MIS18A: variants seen among roughly 807,000 people sequenced by gnomAD.
MIS18A encodes MIS18 kinetochore protein A, also known as protein Mis18-alpha.
MIS18A carries 14 observed loss-of-function variants against 25.0 expected under a neutral mutation model. The ratio of observed to expected loss-of-function variants is 0.56; its 90% CI spans 0.37 to 0.88. MIS18A has a LOEUF of 0.88. Ranked by LOEUF, MIS18A falls within the 40% of genes least tolerant of loss-of-function variation. The pLI is 0.00. For missense variants in MIS18A, 292 were observed against 290.8 expected (o/e 1.00, Z -0.03); for synonymous variants, 134 against 118.6 (o/e 1.13, Z -0.84).
chr21:32,269,469 G>T (rs2031672820), intron 4 of MIS18A: 3 of 464,518 alleles, frequency 6.5e-6, no homozygotes, highest in Admixed American at 3.9e-5. Context: ...TTCTAGCTTT[G>T]CAGTGTTTTA....
chr21:32,164,207 C>G, the MIS18A span, among the ~76,000 whole-genome samples: 2 of 152,230 alleles, frequency 1.3e-5, no homozygotes, highest in Non-Finnish European at 2.9e-5. Flanking sequence ...ATATCCAAAC[C>G]ATAGCAGTGG....
the MIS18A span, among the ~76,000 whole-genome samples, chr21:32,237,571 C>CT: frequency 6.6e-6 from 1 of 152,074 alleles, no homozygotes; most frequent in Non-Finnish European, 1.5e-5. Flanking sequence ...CAGATAGTTC[C>CT]TAATGCTTTC....
chr21:32,216,593 C>G, the MIS18A span, among the ~76,000 whole-genome samples: 2 of 152,174 alleles, frequency 1.3e-5, no homozygotes, highest in Non-Finnish European at 2.9e-5. Context: ...TCAAAGAGAG[C>G]TTTTAAAAGC....
chr21:32,206,450 G>A, the MIS18A span, among the ~76,000 whole-genome samples: 7 of 152,124 alleles, frequency 4.6e-5, no homozygotes, highest in Admixed American at 2.0e-4. Context: ...CCTGCTTGGC[G>A]GCCTCTTTCC....
the MIS18A span, among the ~76,000 whole-genome samples, chr21:32,181,470 A>G: frequency 6.6e-6 from 1 of 152,128 alleles, no homozygotes; most frequent in Admixed American, 6.5e-5. Context: ...TAATGACTCT[A>G]TCTTAGTTTG....
chr21:32,274,678 GC>G, intron 2 of MIS18A, 151 bp downstream of exon 2: 2 of 620,868 alleles, frequency 3.2e-6, no homozygotes, highest in Admixed American at 3.1e-5. Flanking sequence ...TATAGAAAAA[GC>G]AAAAAAAAGA....
the MIS18A span, among the ~76,000 whole-genome samples, chr21:32,171,268 A>G: frequency 6.6e-6 from 1 of 152,224 alleles, no homozygotes; most frequent in East Asian, 1.9e-4. Context: ...GTCAGAACTA[A>G]TAAATGAATT....
chr21:32,267,388 T>G (rs2031625085), downstream of MIS18A, among the ~76,000 whole-genome samples: 1 of 152,150 alleles, frequency 6.6e-6, no homozygotes, highest in Admixed American at 6.5e-5. Flanking sequence ...GATGGAAAGG[T>G]AATCAAAGGC....
At chr21:32,209,286 T>C in the MIS18A span, among the ~76,000 whole-genome samples, 1 of 152,210 alleles carries the variant, frequency 6.6e-6, no homozygotes, top group East Asian at 1.9e-4. Flanking sequence ...TTATTTAGTC[T>C]AGTGATTTCG....
At chr21:32,269,933 A>C in intron 3 of MIS18A, 130 bp from the exon 4 acceptor site, 1 of 626,092 alleles carries the variant, frequency 1.6e-6, no homozygotes, top group Non-Finnish European at 2.8e-6. Flanking sequence ...GCAACACAAG[A>C]CCCCGGGCAA....
chr21:32,242,035 C>T, the MIS18A span, among the ~76,000 whole-genome samples: 1 of 152,344 alleles, frequency 6.6e-6, no homozygotes, highest in East Asian at 1.9e-4. Context: ...CCCGCCACCA[C>T]GCCCGGCTAT....
chr21:32,215,686 T>C, the MIS18A span, among the ~76,000 whole-genome samples: 7 of 152,168 alleles, frequency 4.6e-5, no homozygotes, highest in Non-Finnish European at 1.0e-4. Context: ...CTTGCCCTCT[T>C]ACTCATAATT....
chr21:32,158,099 A>G, the MIS18A span, among the ~76,000 whole-genome samples: 2 of 152,228 alleles, frequency 1.3e-5, no homozygotes, highest in African/African-American at 4.8e-5. Context: ...GTAGCGAAAT[A>G]TCACTTCCAC....
chr21:32,272,149 T>C (rs1036668653), intron 2 of MIS18A, among the ~76,000 whole-genome samples: 3 of 152,252 alleles, frequency 2.0e-5, no homozygotes, highest in African/African-American at 7.2e-5. Context: ...ACCCCTTTCA[T>C]TGAACAGTAA....
the MIS18A span, among the ~76,000 whole-genome samples, chr21:32,191,804 C>T: frequency 6.6e-6 from 1 of 151,782 alleles, no homozygotes; most frequent in East Asian, 1.9e-4. Flanking sequence ...ACTTGGGAGG[C>T]TGAGGCAGCA....
At chr21:32,221,028 G>C in the MIS18A span, among the ~76,000 whole-genome samples, 4 of 152,252 alleles carry the variant, frequency 2.6e-5, no homozygotes, top group East Asian at 5.8e-4. Flanking sequence ...AAGTGATGGG[G>C]AGAATGGAAC....
At chr21:32,200,572 T>G in the MIS18A span, among the ~76,000 whole-genome samples, 1 of 152,090 alleles carries the variant, frequency 6.6e-6, no homozygotes, top group African/African-American at 2.4e-5. Flanking sequence ...TAGCTGGGAC[T>G]ACAGGCATCT....
chr21:32,253,094 G>A, the MIS18A span, among the ~76,000 whole-genome samples: 4 of 152,306 alleles, frequency 2.6e-5, no homozygotes, highest in Admixed American at 6.5e-5. Flanking sequence ...CCACCTGGGC[G>A]AGGACGGAAG....
chr21:32,193,305 G>C, the MIS18A span, among the ~76,000 whole-genome samples: 1 of 152,136 alleles, frequency 6.6e-6, no homozygotes, highest in Non-Finnish European at 1.5e-5. Flanking sequence ...AAAGGACTGT[G>C]TTCGTGGGTT....
Sources: allele counts gnomAD v4.1 joint callset (sites outside exome capture counted in the v4.1 genomes callset), GRCh38; gene constraint gnomAD v4.1.1; transcripts MANE v1.5; gene names NCBI Gene and HGNC (gene_info 2026-07-23, HGNC 2026-07-21).